The following CSMD1 variants were observed in gnomAD, a reference collection of about 807,000 sequenced individuals.
CSMD1 encodes the protein CUB and sushi domain-containing protein 1.
In CSMD1, 213 loss-of-function variants were observed where a neutral mutation model predicts 417.5. That is an observed-to-expected ratio of 0.51 (90% CI 0.46 to 0.57). CSMD1 has a LOEUF of 0.57. Ranked by LOEUF, CSMD1 falls within the 20% of genes least tolerant of loss-of-function variation. The pLI is 0.00. For missense variants in CSMD1, 6,923 were observed against 4,529.7 expected (o/e 1.53, Z -15.17); for synonymous variants, 2,862 against 1,736.8 (o/e 1.65, Z -16.11).
chr8:3,307,665 A>G (rs773762258), intron 25 of CSMD1, 30 bp downstream of exon 25: 4 of 1,607,722 alleles, frequency 2.5e-6, no homozygotes, highest in Middle Eastern at 1.7e-4. Context: ...CTCTTTTCTC[A>G]AATCACTGAA....
At chr8:4,792,210 C>G (rs946824183) in intron 1 of CSMD1, among the ~76,000 whole-genome samples, 3 of 152,158 alleles carry the variant, frequency 2.0e-5, no homozygotes, top group Admixed American at 2.0e-4. Flanking sequence ...TAGCCAGACA[C>G]AAAAGTAGAG....
At chr8:4,299,053 TCTC>T (rs1465612237) in intron 3 of CSMD1, among the ~76,000 whole-genome samples, 1 of 152,118 alleles carries the variant, frequency 6.6e-6, no homozygotes, top group Non-Finnish European at 1.5e-5. Flanking sequence ...AAATAAATAT[TCTC>T]CTGTTAATCC....
At chr8:4,104,529 C>G (rs1012180151) in intron 3 of CSMD1, among the ~76,000 whole-genome samples, 1 of 152,192 alleles carries the variant, frequency 6.6e-6, no homozygotes, top group South Asian at 2.1e-4. Context: ...CTCCCACACC[C>G]TAAATTTGCA....
At chr8:4,893,423 T>C (rs1263081912) in intron 1 of CSMD1, among the ~76,000 whole-genome samples, 1 of 152,092 alleles carries the variant, frequency 6.6e-6, no homozygotes, top group South Asian at 2.1e-4. Flanking sequence ...TTCACAAAGA[T>C]GTAGTTAAAT....
intron 5 of CSMD1, among the ~76,000 whole-genome samples, chr8:3,824,756 C>T (rs7812827): frequency 6.6e-6 from 1 of 151,920 alleles, no homozygotes; most frequent in Admixed American, 6.6e-5. Context: ...ATGTGGCTCA[C>T]ATTGGTGGCT....
chr8:4,304,616 A>G (rs1374686654), intron 3 of CSMD1, among the ~76,000 whole-genome samples: 1 of 152,184 alleles, frequency 6.6e-6, no homozygotes, highest in Non-Finnish European at 1.5e-5. Flanking sequence ...TCCTCATTTT[A>G]TACAGATCAG....
intron 11 of CSMD1, among the ~76,000 whole-genome samples, chr8:3,479,885 T>C (rs2117237715): frequency 6.6e-6 from 1 of 151,650 alleles, no homozygotes; most frequent in South Asian, 2.1e-4. Flanking sequence ...TAAATCTAAG[T>C]AAAGAAATAA....
intron 1 of CSMD1, among the ~76,000 whole-genome samples, chr8:4,704,884 T>G (rs1807820085): frequency 6.6e-6 from 1 of 152,138 alleles, no homozygotes; most frequent in Non-Finnish European, 1.5e-5. Flanking sequence ...AACCCTATGG[T>G]AAAGAAAACT....
intron 3 of CSMD1, among the ~76,000 whole-genome samples, chr8:4,168,408 A>G (rs1478674414): frequency 6.6e-6 from 1 of 151,890 alleles, no homozygotes; most frequent in African/African-American, 2.4e-5. Flanking sequence ...CTCTCAATAT[A>G]TATTTTACAT....
intron 3 of CSMD1, among the ~76,000 whole-genome samples, chr8:4,196,914 A>G (rs2131237325): frequency 6.6e-6 from 1 of 152,250 alleles, no homozygotes; most frequent in Non-Finnish European, 1.5e-5. Context: ...CATTTCTAAG[A>G]GTTTGTTCAT....
At chr8:4,513,159 G>A (rs78020828) in intron 2 of CSMD1, among the ~76,000 whole-genome samples, 11,730 of 152,172 alleles carry the variant, frequency 0.077, 660 homozygotes, top group Non-Finnish European at 0.1. Flanking sequence ...TTGGTTAATC[G>A]AAATATGTCA....
intron 10 of CSMD1, among the ~76,000 whole-genome samples, chr8:3,542,540 G>C (rs1246074603): frequency 6.6e-6 from 1 of 152,144 alleles, no homozygotes; most frequent in Non-Finnish European, 1.5e-5. Flanking sequence ...GCAGGGACTG[G>C]GAAGGAACAC....
intron 2 of CSMD1, among the ~76,000 whole-genome samples, chr8:4,441,172 C>T (rs1157366509): frequency 2.5e-5 from 3 of 118,712 alleles, no homozygotes; most frequent in Admixed American, 1.2e-4. Flanking sequence ...AACCTTGGTT[C>T]ACTGCAGTCT....
chr8:4,459,942 T>A (rs1422603149), intron 2 of CSMD1, among the ~76,000 whole-genome samples: 3 of 152,144 alleles, frequency 2.0e-5, no homozygotes, highest in African/African-American at 7.2e-5. Context: ...TTCTACTCAT[T>A]TTCATAGAGG....
chr8:3,887,755 A>G lies in CSMD1; in HGVS notation c.818+110148T>C, dbSNP rs576633736. On this transcript the variant is annotated intron_variant, in intron 5 of 69. Transcript: ENST00000635120. Reference sequence around the variant, plus strand: ...GATAGAAAAAACTCAGATTACTGTAATATCTCCCTAAATGAACTGAGTGTG... The same window carrying G: ...GATAGAAAAAACTCAGATTACTGTAGTATCTCCCTAAATGAACTGAGTGTG... Among the ~76,000 whole-genome samples, 8 of 152,336 alleles carry G rather than the reference A, an allele frequency of 5.3e-5. No homozygotes were observed. The South Asian group carries it at 8.3e-4, about 16-fold the overall frequency.
intron 3 of CSMD1, among the ~76,000 whole-genome samples, chr8:4,269,920 A>T (rs2128850356): frequency 6.6e-6 from 1 of 152,314 alleles, no homozygotes; most frequent in African/African-American, 2.4e-5. Context: ...TGGAGGAAGA[A>T]GGGCGTTCAA....
chr8:3,364,919 C>T (rs759022173), intron 20 of CSMD1, among the ~76,000 whole-genome samples: 1 of 152,140 alleles, frequency 6.6e-6, no homozygotes, highest in Non-Finnish European at 1.5e-5. Context: ...GTGAGGGCAC[C>T]AGAATAAGAA....
intron 6 of CSMD1, among the ~76,000 whole-genome samples, chr8:3,716,085 T>G (rs1012571740): frequency 3.3e-5 from 5 of 152,170 alleles, no homozygotes. Context: ...ATCAGCCACT[T>G]CCTCCTGAAA....
chr8:3,245,163 C>T (rs371349480), intron 26 of CSMD1, among the ~76,000 whole-genome samples: 1 of 152,176 alleles, frequency 6.6e-6, no homozygotes, highest in Non-Finnish European at 1.5e-5. Flanking sequence ...ATTTTGCCCT[C>T]TCTGTAAATG....
Sources: gnomAD v4.1 joint callset for allele counts (sites outside exome capture counted in the v4.1 genomes callset) on GRCh38, gnomAD v4.1.1 for gene constraint, MANE v1.5 for transcripts, NCBI Gene and HGNC (gene_info 2026-07-23, HGNC 2026-07-21) for gene names.